The following LRRC37A2 variants were observed in gnomAD, a reference collection of about 807,000 sequenced individuals.
The protein encoded by LRRC37A2 is leucine-rich repeat-containing protein 37A2.
A neutral mutation model predicts 68.8 loss-of-function variants in LRRC37A2; 9 were observed. The ratio of observed to expected loss-of-function variants is 0.13; its 90% CI spans 0.08 to 0.23. The LOEUF (loss-of-function observed/expected upper bound fraction) is 0.23. LRRC37A2 is among the 10% of genes least tolerant of loss of function. The pLI, the probability that LRRC37A2 is intolerant of heterozygous loss-of-function variation, is 1.00. For missense variants in LRRC37A2, 168 were observed against 950.4 expected (o/e 0.18, Z 10.82); for synonymous variants, 63 against 367.6 (o/e 0.17, Z 9.48).
the LRRC37A2 span, among the ~76,000 whole-genome samples, chr17:46,926,939 A>G: frequency 3.3e-5 from 5 of 152,228 alleles, no homozygotes; most frequent in Admixed American, 6.5e-5. Context: ...CTGCTGGGTC[A>G]TAGCATGGAC....
chr17:46,999,026 C>T, the LRRC37A2 span, among the ~76,000 whole-genome samples: 2 of 152,232 alleles, frequency 1.3e-5, no homozygotes, highest in South Asian at 2.1e-4. Context: ...GGATGCTTAA[C>T]ATTCTCTTGA....
the LRRC37A2 span, among the ~76,000 whole-genome samples, chr17:46,493,104 G>A: frequency 7.2e-6 from 1 of 138,238 alleles, no homozygotes; most frequent in African/African-American, 3.0e-5. Flanking sequence ...CTCTTTTTAT[G>A]TGCATCTTTT....
At chr17:46,997,682 A>G in the LRRC37A2 span, among the ~76,000 whole-genome samples, 1 of 152,172 alleles carries the variant, frequency 6.6e-6, no homozygotes, top group African/African-American at 2.4e-5. Context: ...TTCAAGAATA[A>G]AGGAAGGCTA....
At chr17:46,625,854 G>C in the LRRC37A2 span, among the ~76,000 whole-genome samples, 5 of 103,458 alleles carry the variant, frequency 4.8e-5, no homozygotes, top group East Asian at 2.2e-3. Flanking sequence ...GGCCAGCCTG[G>C]TCAACATAGC....
the LRRC37A2 span, among the ~76,000 whole-genome samples, chr17:46,929,033 T>C: frequency 2.0e-5 from 3 of 152,150 alleles, no homozygotes; most frequent in South Asian, 4.2e-4. Flanking sequence ...CATGTCTGTT[T>C]AGCCTGTCAT....
chr17:46,897,511 T>G, the LRRC37A2 span, among the ~76,000 whole-genome samples: 1 of 152,118 alleles, frequency 6.6e-6, no homozygotes, highest in African/African-American at 2.4e-5. Flanking sequence ...TGAGCCAGTA[T>G]TGGGGGCCAT....
At chr17:46,679,114 A>G in the LRRC37A2 span, among the ~76,000 whole-genome samples, 3 of 152,102 alleles carry the variant, frequency 2.0e-5, no homozygotes, top group Non-Finnish European at 4.4e-5. Context: ...GTAAAACTAT[A>G]AAGGAAAATG....
the LRRC37A2 span, among the ~76,000 whole-genome samples, chr17:46,458,414 T>C: frequency 9.7e-6 from 1 of 103,612 alleles, no homozygotes; most frequent in Non-Finnish European, 2.2e-5. Flanking sequence ...GTTGTGTCTA[T>C]GAAAAGAGTG....
At chr17:46,726,394 G>A in the LRRC37A2 span, among the ~76,000 whole-genome samples, 6 of 152,208 alleles carry the variant, frequency 3.9e-5, no homozygotes, top group Non-Finnish European at 7.3e-5. Flanking sequence ...TCTGTTCAGC[G>A]GTGATCCAGT....
chr17:46,792,670 C>T, the LRRC37A2 span, among the ~76,000 whole-genome samples: 1 of 152,136 alleles, frequency 6.6e-6, no homozygotes, highest in Non-Finnish European at 1.5e-5. Flanking sequence ...GACAGAGTTT[C>T]ACTATGTTGA....
At chr17:46,923,526 A>G in the LRRC37A2 span, 9 of 1,352,194 alleles carry the variant, frequency 6.7e-6, no homozygotes, top group Non-Finnish European at 7.6e-6. Flanking sequence ...AACTTTGTCC[A>G]GCACTTGTCA....
the LRRC37A2 span, among the ~76,000 whole-genome samples, chr17:46,792,916 C>A: frequency 1.3e-5 from 2 of 151,846 alleles, no homozygotes; most frequent in African/African-American, 4.8e-5. Context: ...TCAGAGAGGC[C>A]AAGTGACTCG....
chr17:46,779,053 T>TCTCA, the LRRC37A2 span, among the ~76,000 whole-genome samples: 9 of 100,612 alleles, frequency 8.9e-5, no homozygotes, highest in African/African-American at 2.7e-4. Context: ...CCCTACCCCA[T>TCTCA]CACACACACA....
chr17:46,789,103 C>T, the LRRC37A2 span, among the ~76,000 whole-genome samples: 1 of 152,176 alleles, frequency 6.6e-6, no homozygotes, highest in Non-Finnish European at 1.5e-5. Flanking sequence ...TGCTGGACGC[C>T]GGGAGCACAG....
At chr17:46,825,582 A>G in the LRRC37A2 span, among the ~76,000 whole-genome samples, 2 of 152,342 alleles carry the variant, frequency 1.3e-5, 1 homozygote, top group Middle Eastern at 6.8e-3. Context: ...TCTTCAACGC[A>G]TCTTCATGGA....
the LRRC37A2 span, among the ~76,000 whole-genome samples, chr17:46,991,302 T>C: frequency 1.3e-5 from 2 of 152,086 alleles, no homozygotes; most frequent in African/African-American, 4.8e-5. Context: ...CCTTATTAAG[T>C]TTCATTTAAA....
At chr17:46,953,934 A>G in the LRRC37A2 span, among the ~76,000 whole-genome samples, 3 of 152,160 alleles carry the variant, frequency 2.0e-5, no homozygotes, top group Non-Finnish European at 4.4e-5. Flanking sequence ...TCTTGATATT[A>G]GCCCTTTGTC....
chr17:46,925,267 TTTTA>T, the LRRC37A2 span, among the ~76,000 whole-genome samples: 2 of 152,238 alleles, frequency 1.3e-5, no homozygotes, highest in Non-Finnish European at 2.9e-5. Flanking sequence ...TCCAGTACAA[TTTTA>T]TTTATCAAAA....
chr17:46,774,857 A>G, the LRRC37A2 span, among the ~76,000 whole-genome samples: 1 of 152,218 alleles, frequency 6.6e-6, no homozygotes, highest in East Asian at 1.9e-4. Flanking sequence ...AGAACCTGAG[A>G]AAATGATCCG....
Sources: gnomAD v4.1 joint callset for allele counts (sites outside exome capture counted in the v4.1 genomes callset) on GRCh38, gnomAD v4.1.1 for gene constraint, MANE v1.5 for transcripts, NCBI Gene and HGNC (gene_info 2026-07-23, HGNC 2026-07-21) for gene names.